UNC79: variants seen among roughly 807,000 people sequenced by gnomAD.
UNC79 encodes the protein protein unc-79 homolog.
A neutral mutation model predicts 283.1 loss-of-function variants in UNC79; 37 were observed. The observed-to-expected ratio is 0.13, with a 90% CI of 0.10 to 0.17. The LOEUF is 0.17. Ranked by LOEUF, UNC79 falls within the 10% of genes least tolerant of loss-of-function variation. UNC79 has a pLI of 1.00. For missense variants in UNC79, 2,272 were observed against 3,211.1 expected (o/e 0.71, Z 7.07); for synonymous variants, 1,107 against 1,200.2 (o/e 0.92, Z 1.61).
At chr14:93,335,906 T>A (rs913357970) in intron 1 of UNC79, among the ~76,000 whole-genome samples, 1 of 152,208 alleles carries the variant, frequency 6.6e-6, no homozygotes, top group Non-Finnish European at 1.5e-5. Flanking sequence ...ACAGTGAACT[T>A]CTGTGGCTTT....
chr14:93,702,645 C>A (rs2075613290), intron 47 of UNC79, among the ~76,000 whole-genome samples: 1 of 152,196 alleles, frequency 6.6e-6, no homozygotes, highest in Non-Finnish European at 1.5e-5. Context: ...AGGTCATTCA[C>A]ATACTGTCCC....
intron 34 of UNC79, 149 bp from the exon 38 acceptor site, chr14:93,646,459 G>T: frequency 1.5e-6 from 1 of 663,224 alleles, no homozygotes; most frequent in Admixed American, 2.5e-5. Flanking sequence ...TGACCACTGA[G>T]TGGGCCCTCT....
chr14:93,447,086 T>C (rs10149904), intron 1 of UNC79, among the ~76,000 whole-genome samples: 96,227 of 152,014 alleles, frequency 0.63, 31,101 homozygotes, highest in Middle Eastern at 0.77. Context: ...ATGATTGTTA[T>C]GTTTTCCTGT....
intron 14 of UNC79, among the ~76,000 whole-genome samples, chr14:93,549,875 A>G (rs530720961): frequency 4.5e-4 from 69 of 152,374 alleles, no homozygotes; most frequent in Non-Finnish European, 8.5e-4. Context: ...ATGTATATGT[A>G]GAAACTGTTG....
At chr14:93,446,394 G>T (rs1194413555) in intron 1 of UNC79, among the ~76,000 whole-genome samples, 3,260 of 142,382 alleles carry the variant, frequency 0.023, 127 homozygotes, top group African/African-American at 0.079. Context: ...CATGTGTGTG[G>T]TTTTTTTTTT....
chr14:93,539,630 A>G (rs1471529666), intron 12 of UNC79, among the ~76,000 whole-genome samples: 1 of 152,200 alleles, frequency 6.6e-6, no homozygotes, highest in Non-Finnish European at 1.5e-5. Flanking sequence ...TAGTAGAAAT[A>G]CAATTAATGT....
intron 1 of UNC79, among the ~76,000 whole-genome samples, chr14:93,376,457 C>A (rs996308594): frequency 6.6e-6 from 1 of 152,102 alleles, no homozygotes; most frequent in South Asian, 2.1e-4. Flanking sequence ...ATCACAGGGG[C>A]AAACCGTATA....
chr14:93,540,723 G>A, exon 13 of UNC79: 1 of 1,613,836 alleles, frequency 6.2e-7, no homozygotes, highest in Non-Finnish European at 8.5e-7. Flanking sequence ...GGCGGCGGCA[G>A]CTGGGCCTCT....
chr14:93,361,176 C>CA (rs143523837), intron 1 of UNC79, among the ~76,000 whole-genome samples: 1,655 of 134,598 alleles, frequency 0.012, 34 homozygotes, highest in African/African-American at 0.045. Flanking sequence ...CATGCCACTG[C>CA]ACTCTAGCCT....
rs1294232364 is a variant in UNC79 at position 93,673,048 on chromosome 14, T to C, written c.6637-303T>C. On this transcript the variant is annotated intron_variant, in intron 40 of 48. Transcript: ENST00000555664. ...AATACTTTTCGACTGATTTAATTGC[T>C]GCAGTTCTTGGAACCTGTTTCCTGT... Among the ~76,000 whole-genome samples, 5 of 152,248 alleles carry C rather than the reference T, an allele frequency of 3.3e-5. No homozygotes were observed. The South Asian group carries it at 6.2e-4, about 19-fold the overall frequency.
intron 14 of UNC79, among the ~76,000 whole-genome samples, chr14:93,550,148 C>T (rs2061797383): frequency 6.6e-6 from 1 of 152,176 alleles, no homozygotes; most frequent in African/African-American, 2.4e-5. Flanking sequence ...ATAACATTTT[C>T]TACACAAGGT....
At chr14:93,517,472 A>AT (rs34274004) in intron 7 of UNC79, among the ~76,000 whole-genome samples, 67,598 of 146,484 alleles carry the variant, frequency 0.46, 15,920 homozygotes, top group Non-Finnish European at 0.53. Flanking sequence ...TTTTTCATAG[A>AT]TTTTTTTTTT....
At chr14:93,597,690 C>A in intron 24 of UNC79, 150 bp downstream of exon 24, 1 of 963,626 alleles carries the variant, frequency 1.0e-6, no homozygotes, top group Non-Finnish European at 1.5e-6. Flanking sequence ...ATTTATTTCG[C>A]AGATTGTCTG....
At chr14:93,659,404 G>A in intron 39 of UNC79, 143 bp downstream of exon 42, 1 of 644,880 alleles carries the variant, frequency 1.6e-6, no homozygotes, top group Non-Finnish European at 2.6e-6. Flanking sequence ...TTCATGCTAG[G>A]TCAGTGCCTT....
intron 1 of UNC79, among the ~76,000 whole-genome samples, chr14:93,334,008 G>C (rs1366606514): frequency 6.6e-6 from 1 of 152,186 alleles, no homozygotes; most frequent in Non-Finnish European, 1.5e-5. Flanking sequence ...TGAAAGTATT[G>C]TATTTGCATT....
At chr14:93,654,462 C>T (rs2070684967) in intron 37 of UNC79, among the ~76,000 whole-genome samples, 1 of 148,680 alleles carries the variant, frequency 6.7e-6, no homozygotes, top group Admixed American at 6.7e-5. Flanking sequence ...CTACATTACA[C>T]TCCAAGTTGT....
intron 1 of UNC79, among the ~76,000 whole-genome samples, chr14:93,453,072 G>A (rs114994244): frequency 0.013 from 1,944 of 152,296 alleles, 44 homozygotes; most frequent in African/African-American, 0.045. Context: ...GCACTGTCAT[G>A]GAAGAGAATT....
intron 42 of UNC79, among the ~76,000 whole-genome samples, chr14:93,683,756 T>C (rs1336924054): frequency 1.3e-5 from 2 of 151,584 alleles, no homozygotes; most frequent in Non-Finnish European, 2.9e-5. Context: ...CTGATAGCAA[T>C]CAATGAATTG....
At chr14:93,461,909 G>A (rs2056973579) in intron 1 of UNC79, among the ~76,000 whole-genome samples, 1 of 150,828 alleles carries the variant, frequency 6.6e-6, no homozygotes, top group Non-Finnish European at 1.5e-5. Context: ...CTCACAAAGT[G>A]TGGAGGGAAA....
Sources: gnomAD v4.1 joint callset for allele counts (sites outside exome capture counted in the v4.1 genomes callset) on GRCh38, gnomAD v4.1.1 for gene constraint, MANE v1.5 for transcripts, NCBI Gene and HGNC (gene_info 2026-07-23, HGNC 2026-07-21) for gene names.